The following LIMS1 variants were observed in gnomAD, a reference collection of about 807,000 sequenced individuals.
The protein encoded by LIMS1 is LIM and senescent cell antigen-like-containing domain protein 1.
A neutral mutation model predicts 44.1 loss-of-function variants in LIMS1; 18 were observed. The ratio of observed to expected loss-of-function variants is 0.41; its 90% CI spans 0.28 to 0.61. The LOEUF (loss-of-function observed/expected upper bound fraction) is 0.61, where lower values mean the gene tolerates loss of function less well. Ranked by LOEUF, LIMS1 falls within the 20% of genes least tolerant of loss-of-function variation. The probability of loss-of-function intolerance (pLI) is 0.32; values close to 1 mark genes in which losing one functional copy is unlikely to be tolerated. For missense variants in LIMS1, 201 were observed against 422.0 expected, an observed-to-expected ratio of 0.48 and a Z score of 4.59; for synonymous variants, 93 against 149.1, an observed-to-expected ratio of 0.62 and a Z score of 2.74.
chr2:108,645,107 C>T (rs144200880), intron 1 of LIMS1, among the ~76,000 whole-genome samples: 1 of 152,200 alleles, frequency 6.6e-6, no homozygotes, highest in East Asian at 1.9e-4. Flanking sequence ...CTTCCCCAAC[C>T]TAGCAAGGCA....
At chr2:108,534,485 C>T (rs1224936463) in exon 1 of LIMS1, 1 of 1,099,946 alleles carries the variant, frequency 9.1e-7, no homozygotes, top group Non-Finnish European at 1.1e-6. Flanking sequence ...CCGGCCGCGG[C>T]GGCGAGGGAC....
chr2:108,633,636 T>G (rs1409379248), intron 1 of LIMS1, among the ~76,000 whole-genome samples: 1 of 152,234 alleles, frequency 6.6e-6, no homozygotes, highest in Non-Finnish European at 1.5e-5. Flanking sequence ...TAAAAGAGAT[T>G]GTTCTGTCTT....
intron 1 of LIMS1, among the ~76,000 whole-genome samples, chr2:108,601,467 A>T (rs1263456655): frequency 6.6e-6 from 1 of 152,166 alleles, no homozygotes; most frequent in African/African-American, 2.4e-5. Flanking sequence ...TAAGGAACAC[A>T]AAAAGGTCAC....
In LIMS1 at chr2:108,630,803, T is replaced by A. The variant is rs148508122; in HGVS notation, c.33-28802T>A. On this transcript the variant is annotated intron_variant, in intron 1 of 9. Transcript: ENST00000544547. ...GCTCTAGCATGAGTAATTTGGAGGT[T>A]GAGTGGGACGAGGAGGAAAAATGTA... Among the ~76,000 whole-genome samples, 17 of 152,288 alleles carry A rather than the reference T, an allele frequency of 1.1e-4. No individual in the cohort carries two copies. In the East Asian group the frequency reaches 2.7e-3, roughly 24 times the overall value.
intron 1 of LIMS1, among the ~76,000 whole-genome samples, chr2:108,552,256 T>C (rs1166822594): frequency 7.1e-6 from 1 of 140,934 alleles, no homozygotes; most frequent in Non-Finnish European, 1.5e-5. Flanking sequence ...ATACTATATA[T>C]ACTACACGTA....
chr2:108,574,917 C>G (rs1360492734), intron 1 of LIMS1, among the ~76,000 whole-genome samples: 1 of 152,126 alleles, frequency 6.6e-6, no homozygotes, highest in African/African-American at 2.4e-5. Flanking sequence ...GGGTTGGAAA[C>G]TTAATATAGA....
At position 108,581,460 on chromosome 2, in the gene LIMS1, G is replaced by A. The variant is rs965085077; in HGVS notation, c.32+46866G>A. The stretch of plus-strand genomic sequence containing the variant: ...TCATTGGGACACTAAAACTTTTTTC[G>A]TCTGGTGTTCCCCAATTCATGAATT... On this transcript the variant is annotated intron_variant, in intron 1 of 9. Coordinates refer to ENST00000544547, the Ensembl canonical transcript of LIMS1. Among the ~76,000 whole-genome samples the A allele has an allele frequency of 2.6e-5, 4 of 152,050 alleles. No individual in the cohort carries two copies. The East Asian group carries it at 5.8e-4, about 22-fold the overall frequency.
intron 1 of LIMS1, among the ~76,000 whole-genome samples, chr2:108,567,056 A>G (rs933852362): frequency 2.0e-5 from 3 of 152,200 alleles, no homozygotes; most frequent in African/African-American, 7.2e-5. Context: ...CCACTGTTCT[A>G]CTTTCAATGT....
At chr2:108,568,188 A>T (rs1239188453) in intron 1 of LIMS1, among the ~76,000 whole-genome samples, 2 of 152,210 alleles carry the variant, frequency 1.3e-5, no homozygotes, top group Non-Finnish European at 2.9e-5. Flanking sequence ...TGGTTTCATT[A>T]TATGTCCCTT....
intron 9 of LIMS1, 33 bp from the exon 10 acceptor site, chr2:108,683,852 A>G (rs1693169877): frequency 8.1e-7 from 1 of 1,230,656 alleles, no homozygotes; most frequent in Non-Finnish European, 1.2e-6. Context: ...TGTTTCCACT[A>G]ACTTCTTTTT....
At chr2:108,547,085 A>G (rs749063252) in intron 1 of LIMS1, among the ~76,000 whole-genome samples, 5 of 152,222 alleles carry the variant, frequency 3.3e-5, no homozygotes, top group African/African-American at 4.8e-5. Flanking sequence ...AATTTTGAAT[A>G]AAGGTTTTAC....
At chr2:108,639,887 T>C (rs1689553485) in intron 1 of LIMS1, among the ~76,000 whole-genome samples, 1 of 152,226 alleles carries the variant, frequency 6.6e-6, no homozygotes, top group East Asian at 1.9e-4. Context: ...CTGATAAAAG[T>C]TGACAAATTC....
At chr2:108,635,197 C>T (rs1037890062) in intron 1 of LIMS1, among the ~76,000 whole-genome samples, 1 of 151,976 alleles carries the variant, frequency 6.6e-6, no homozygotes, top group Admixed American at 6.6e-5. Flanking sequence ...TTGGGAGGCC[C>T]AGGCGGGTGG....
chr2:108,545,896 G>T (rs1259790712), intron 1 of LIMS1, among the ~76,000 whole-genome samples: 1 of 152,134 alleles, frequency 6.6e-6, no homozygotes, highest in African/African-American at 2.4e-5. Context: ...TGCATTGAGG[G>T]TTTCAAAGAT....
At chr2:108,671,735 T>C (rs556276051) in intron 3 of LIMS1, among the ~76,000 whole-genome samples, 20 of 152,350 alleles carry the variant, frequency 1.3e-4, no homozygotes, top group Non-Finnish European at 2.9e-4. Context: ...CCAAAAGGCA[T>C]TCAAGAGAGC....
chr2:108,566,802 G>C (rs929673514), intron 1 of LIMS1, among the ~76,000 whole-genome samples: 2 of 152,052 alleles, frequency 1.3e-5, no homozygotes, highest in African/African-American at 4.8e-5. Flanking sequence ...TCGCCATGTT[G>C]GCCAGGCTGG....
chr2:108,649,660 A>C (rs1392345674), intron 1 of LIMS1, among the ~76,000 whole-genome samples: 1 of 152,240 alleles, frequency 6.6e-6, no homozygotes, highest in African/African-American at 2.4e-5. Context: ...GGATGAGTTC[A>C]TGTCCTTTGC....
chr2:108,668,016 G>A (rs1691905435), intron 2 of LIMS1, among the ~76,000 whole-genome samples: 1 of 152,040 alleles, frequency 6.6e-6, no homozygotes, highest in South Asian at 2.1e-4. Context: ...CGAATCCAAG[G>A]ATGCAGACCC....
rs905077025 is a variant in LIMS1, at chr2:108,646,393, C to T, written c.33-13212C>T. Among the ~76,000 whole-genome samples, 6 of 151,990 alleles carry T rather than the reference C, an allele frequency of 3.9e-5. No homozygotes were observed. In the East Asian group the frequency reaches 5.8e-4, roughly 15 times the overall value. ...TCCTGAATGACTACTGGGTAAATAA[C>T]GAAATGAGGGCAAAAATAAAGATGT... On this transcript the variant is annotated intron_variant, in intron 1 of 9. Transcript: ENST00000544547.
Sources: allele counts gnomAD v4.1 joint callset (sites outside exome capture counted in the v4.1 genomes callset), GRCh38; gene constraint gnomAD v4.1.1; transcripts MANE v1.5; gene names NCBI Gene and HGNC (gene_info 2026-07-23, HGNC 2026-07-21).